The following CDH23 variants were observed in gnomAD, a reference collection of about 807,000 sequenced individuals.
The protein encoded by CDH23 is cadherin related 23.
CDH23 carries 189 observed loss-of-function variants against 317.1 expected under a neutral mutation model. That is an observed-to-expected ratio of 0.60 (90% CI 0.53 to 0.67). The LOEUF is 0.67. Among genes scored for constraint, CDH23 ranks in the 30% least tolerant of loss-of-function variants. CDH23 has a pLI of 0.00. For missense variants in CDH23, 4,401 were observed against 4,592.4 expected (o/e 0.96, Z 1.20); for synonymous variants, 1,839 against 1,876.8 (o/e 0.98, Z 0.52).
chr10:71,579,455 T>C (rs1432863628), intron 9 of CDH23, among the ~76,000 whole-genome samples: 9 of 152,142 alleles, frequency 5.9e-5, no homozygotes, highest in Admixed American at 5.9e-4. Context: ...GATATGTACT[T>C]GCAAAATGAA....
chr10:71,494,831 G>T (rs1852869950), intron 3 of CDH23, among the ~76,000 whole-genome samples: 1 of 152,192 alleles, frequency 6.6e-6, no homozygotes, highest in East Asian at 1.9e-4. Flanking sequence ...TGATCTCAGA[G>T]ACTGAGTACC....
chr10:71,679,917 G>A (rs1283663660), intron 17 of CDH23, among the ~76,000 whole-genome samples: 2 of 152,182 alleles, frequency 1.3e-5, no homozygotes, highest in East Asian at 3.8e-4. Flanking sequence ...CCCATCCCTA[G>A]AGCCCTGGTA....
At chr10:71,713,594 G>C (rs1866082294) in intron 28 of CDH23, 1 of 394,690 alleles carries the variant, frequency 2.5e-6, no homozygotes, top group South Asian at 2.7e-5. Context: ...GAAACACAGA[G>C]AGCCCAGAAA....
At chr10:71,782,219 C>T (rs893692252) in intron 41 of CDH23, among the ~76,000 whole-genome samples, 6 of 152,238 alleles carry the variant, frequency 3.9e-5, no homozygotes, top group African/African-American at 1.4e-4. Flanking sequence ...CCCGCCAGCG[C>T]CTGCCTTCTC....
chr10:71,626,697 AGGGGGCAGGC>A (rs1031091879), intron 11 of CDH23, among the ~76,000 whole-genome samples: 1 of 152,168 alleles, frequency 6.6e-6, no homozygotes, highest in African/African-American at 2.4e-5. Flanking sequence ...GAGGGAAAGA[AGGGGGCAGGC>A]TGCCAGCATC....
rs376111586 is a variant in CDH23 at position 71,805,937 on chromosome 10, A to T, written c.8004A>T (p.Pro2668=). ...NRDWEFFIID[P]ISGLIQTAQR... ...ACTGGGAGTTCTTCATCATCGACCC[A>T]ATCAGCGGCCTCATCCAGACTGCTC... Residue 2668 remains proline (P), a synonymous_variant, in exon 56 of 70, where the codon CCA becomes CCT. Coordinates refer to ENST00000224721, the MANE Select transcript of CDH23 (RefSeq NM_022124.6). 2 of 1,613,588 alleles carry T rather than the reference A, an allele frequency of 1.2e-6. No individual in the cohort carries two copies. The highest frequency in any genetic ancestry group is 1.7e-6 in the Non-Finnish European group (2 of 1,179,776).
chr10:71,704,279 C>T (rs532541366), intron 24 of CDH23, among the ~76,000 whole-genome samples: 11 of 152,276 alleles, frequency 7.2e-5, no homozygotes, highest in African/African-American at 1.7e-4. Context: ...TTCAGTAAAA[C>T]ATTCAGGGTA....
In CDH23 at chr10:71,615,553, C is replaced by T; in HGVS notation, c.882C>T (p.Thr294=). Residue 294 remains threonine, a synonymous_variant, in exon 10 of 70, where the codon ACC becomes ACT. Transcript: ENST00000224721. The part of the protein sequence containing the change: ...FALDYISGVL[T]LNGLLDRENP... ...TGGACTACATCAGCGGAGTGCTGAC[C>T]TTGAATGGCCTGCTGGACCGGGAGA... The T allele has an allele frequency of 1.2e-6, 2 of 1,613,960 alleles. No individual in the cohort carries two copies. Among genetic ancestry groups the T allele is most frequent in the Non-Finnish European group, 8.5e-7 (1 of 1,179,880 alleles).
At chr10:71,404,851 C>T (rs1848024145) in intron 1 of CDH23, among the ~76,000 whole-genome samples, 2 of 152,224 alleles carry the variant, frequency 1.3e-5, no homozygotes, top group East Asian at 1.9e-4. Context: ...TCTTTAAAGG[C>T]CATGCTCCAT....
intron 9 of CDH23, among the ~76,000 whole-genome samples, chr10:71,587,552 A>G (rs973955428): frequency 2.6e-5 from 4 of 152,238 alleles, no homozygotes; most frequent in Non-Finnish European, 5.9e-5. Flanking sequence ...GGAAGAAAAT[A>G]CCAGGGTGAG....
chr10:71,701,116 C>T (rs753864587), intron 22 of CDH23, among the ~76,000 whole-genome samples: 24 of 152,234 alleles, frequency 1.6e-4, no homozygotes, highest in South Asian at 2.1e-4. Context: ...CGGGGGTGAG[C>T]GAGGGGTAAG....
intron 14 of CDH23, among the ~76,000 whole-genome samples, chr10:71,663,813 G>A (rs1048663608): frequency 6.6e-6 from 1 of 152,116 alleles, no homozygotes; most frequent in Admixed American, 6.5e-5. Flanking sequence ...AAAATGGAAT[G>A]TGACCCCTGT....
At chr10:71,618,080 C>T (rs1358287273) in intron 11 of CDH23, among the ~76,000 whole-genome samples, 2 of 152,166 alleles carry the variant, frequency 1.3e-5, no homozygotes, top group African/African-American at 4.8e-5. Flanking sequence ...TGCCTGTACC[C>T]GTTTTTGCTC....
intron 11 of CDH23, among the ~76,000 whole-genome samples, chr10:71,643,652 A>C (rs1862680964): frequency 6.6e-6 from 1 of 151,972 alleles, no homozygotes. Flanking sequence ...ACATGTGTGC[A>C]CACTCACACA....
intron 60 of CDH23, among the ~76,000 whole-genome samples, chr10:71,809,345 G>C (rs1841842406): frequency 6.6e-6 from 1 of 151,718 alleles, no homozygotes; most frequent in Admixed American, 6.6e-5. Context: ...TGCCTGGCTA[G>C]ATTTTGTATT....
At chr10:71,738,114 A>G (rs1267056008) in intron 34 of CDH23, among the ~76,000 whole-genome samples, 1 of 152,202 alleles carries the variant, frequency 6.6e-6, no homozygotes, top group East Asian at 1.9e-4. Context: ...TAAAATCTAG[A>G]TTCCTTATTT....
At chr10:71,701,812 C>G (rs1309601810) in intron 22 of CDH23, among the ~76,000 whole-genome samples, 1 of 152,152 alleles carries the variant, frequency 6.6e-6, no homozygotes, top group East Asian at 1.9e-4. Flanking sequence ...TACAGACTCC[C>G]CAGCCATTCC....
chr10:71,672,843 A>G (rs2132659875), intron 14 of CDH23, among the ~76,000 whole-genome samples: 1 of 152,184 alleles, frequency 6.6e-6, no homozygotes, highest in South Asian at 2.1e-4. Flanking sequence ...GTCCAGAGCA[A>G]TTTTGTGGGG....
At chr10:71,452,479 C>T (rs1317244733) in intron 3 of CDH23, among the ~76,000 whole-genome samples, 3 of 152,162 alleles carry the variant, frequency 2.0e-5, no homozygotes, top group African/African-American at 7.2e-5. Context: ...GTGCCCTCAA[C>T]CATGCTGTTT....
Sources: allele counts gnomAD v4.1 joint callset (sites outside exome capture counted in the v4.1 genomes callset), GRCh38; gene constraint gnomAD v4.1.1; transcripts MANE v1.5; gene names NCBI Gene and HGNC (gene_info 2026-07-23, HGNC 2026-07-21).